The following DCAF17 variants were observed in gnomAD, a reference collection of about 807,000 sequenced individuals.
DCAF17 encodes the protein DDB1 and CUL4 associated factor 17.
Under a neutral mutation model 66.0 loss-of-function variants are expected in DCAF17, and 48 were observed. The observed-to-expected ratio is 0.73, with a 90% CI of 0.58 to 0.92. The LOEUF is 0.92. Ranked by LOEUF, DCAF17 falls within the 40% of genes least tolerant of loss-of-function variation. The pLI is 0.00. For missense variants in DCAF17, 562 were observed against 622.8 expected (o/e 0.90, Z 1.04); for synonymous variants, 206 against 214.6 (o/e 0.96, Z 0.35).
intron 5 of DCAF17, chr2:171,450,192 A>G (rs895940522): frequency 3.4e-5 from 15 of 438,392 alleles, no homozygotes; most frequent in African/African-American, 2.8e-4. Flanking sequence ...TGAGGATGCA[A>G]AGGCATAAGA....
chr2:171,474,453 TC>T (rs1198299091), intron 10 of DCAF17: 2 of 165,162 alleles, frequency 1.2e-5, no homozygotes, highest in East Asian at 3.4e-4. Flanking sequence ...CTGAATATTT[TC>T]CTATTTCATC....
intron 8 of DCAF17, among the ~76,000 whole-genome samples, chr2:171,460,800 T>C (rs1695543574): frequency 6.6e-6 from 1 of 152,124 alleles, no homozygotes; most frequent in South Asian, 2.1e-4. Context: ...CCGCCCAAAG[T>C]GCTGGGATTA....
At position 171,482,266 on chromosome 2, in the gene DCAF17, T is replaced by C. The variant is rs1471200489; in HGVS notation, c.*1152T>C. ...GTAACCTCAAAAGAATAACTGGTAA[T>C]AAGGGAAGGAAACAGCAGCAACAAT... On this transcript the variant is annotated 3_prime_UTR_variant, in exon 14 of 14. Coordinates refer to ENST00000375255, the MANE Select transcript of DCAF17 (RefSeq NM_025000.4). The C allele has an allele frequency of 2.2e-6, 1 of 453,962 alleles. No individual in the cohort carries two copies. Among genetic ancestry groups the C allele is most frequent in the Admixed American group, 2.3e-5 (1 of 42,556 alleles). The allele number at this position is 453,962 out of a possible 1,614,324, so 28.1% of individuals were successfully genotyped here. A position where few individuals can be genotyped will look rare whatever the true frequency, so the allele number is the denominator to read the frequency against.
At chr2:171,466,024 A>T (rs1048544706) in intron 8 of DCAF17, among the ~76,000 whole-genome samples, 1 of 152,024 alleles carries the variant, frequency 6.6e-6, no homozygotes, top group Admixed American at 6.6e-5. Context: ...ATCTAAATTA[A>T]AAAAAATTTT....
Position 171,448,689 on chromosome 2 carries a change from A to G in DCAF17, c.330A>G (p.Ile110Met). The G allele has an allele frequency of 1.9e-6, 3 of 1,583,374 alleles. No homozygotes were observed. The highest frequency in any genetic ancestry group is 1.2e-5 in the South Asian group (1 of 83,814). The part of the protein sequence containing the change: ...ALLWECPVGD[I>M]LPNSSDYKSS... ...TCTCTTTTTTTTTTTAGGGAGATAT[A>G]CTTCCCAATTCATCAGATTATAAGT... The change falls in exon 4 of 14, where the codon ATA becomes ATG. Residue 110 changes from isoleucine to methionine, a missense_variant. Physicochemically the swap from Ile to Met is conservative, Grantham distance 10 (BLOSUM62 1). Around this residue, in one of 3 missense-constraint regions of DCAF17, gnomAD observed 348 missense variants for 355.9 expected, o/e 0.98. Transcript: ENST00000375255.
chr2:171,442,781 G>A (rs559529466), intron 2 of DCAF17, among the ~76,000 whole-genome samples: 2 of 152,058 alleles, frequency 1.3e-5, no homozygotes, highest in East Asian at 1.9e-4. Context: ...TTGGGAGGCT[G>A]AGGCAGGACA....
intron 8 of DCAF17, among the ~76,000 whole-genome samples, chr2:171,458,772 A>G (rs183312348): frequency 3.0e-4 from 46 of 152,264 alleles, no homozygotes; most frequent in Admixed American, 2.7e-3. Context: ...AGTTGCAGCA[A>G]ATGATACCAT....
chr2:171,480,319 T>C (rs1171802844), intron 13 of DCAF17, 126 bp downstream of exon 13: 9 of 1,229,278 alleles, frequency 7.3e-6, no homozygotes, highest in Non-Finnish European at 9.2e-6. Flanking sequence ...TGAAAGAGGT[T>C]TTGTCCTATA....
intron 5 of DCAF17, chr2:171,450,162 C>G (rs1694865785): frequency 2.0e-6 from 1 of 504,854 alleles, no homozygotes; most frequent in South Asian, 2.0e-5. Context: ...TTTTCTCACT[C>G]ATAAGTGAGA....
rs3731984 is a variant in DCAF17, at chr2:171,453,141, T to A, written c.555T>A (p.His185Gln). ...CCTTCTAGGCAGGCATTCAACAACA[T>A]GTTTTGCTGTACCTTGCAGTGTTCC... ...AVARQAGIQQ[H>Q]VLLYLAVFRV... The change falls in exon 6 of 14, where the codon CAT becomes CAA. Residue 185 changes from histidine to glutamine, a missense_variant. Around this residue, in one of 3 missense-constraint regions of DCAF17, gnomAD observed 348 missense variants for 355.9 expected, o/e 0.98. Coordinates refer to ENST00000375255, the MANE Select transcript of DCAF17 (RefSeq NM_025000.4). 0.027 allele frequency: 43,333 copies of A among 1,608,876 alleles called. 673 individuals carry two copies. Among genetic ancestry groups the A allele is most frequent in the East Asian group, 0.04 (1,771 of 44,750 alleles).
intron 8 of DCAF17, among the ~76,000 whole-genome samples, chr2:171,466,439 G>T (rs1172374236): frequency 1.2e-4 from 18 of 151,760 alleles, no homozygotes; most frequent in Non-Finnish European, 1.2e-4. Context: ...CCTTTTGCTG[G>T]CTCTCCTACT....
intron 8 of DCAF17, among the ~76,000 whole-genome samples, chr2:171,460,274 G>A (rs1396516645): frequency 6.9e-6 from 1 of 145,524 alleles, no homozygotes; most frequent in Non-Finnish European, 1.5e-5. Flanking sequence ...AGTGAGCCGA[G>A]ATCGTGCCAC....
chr2:171,435,043 A>C (rs370737715), intron 1 of DCAF17, 40 bp from the exon 2 acceptor site: 2 of 1,446,170 alleles, frequency 1.4e-6, no homozygotes, highest in Non-Finnish European at 9.7e-7. Context: ...CTTAAAGCCT[A>C]AGAGTTCTTT....
At chr2:171,480,409 T>C (rs933417665) in intron 13 of DCAF17, among the ~76,000 whole-genome samples, 1 of 150,642 alleles carries the variant, frequency 6.6e-6, no homozygotes, top group Admixed American at 6.6e-5. Flanking sequence ...AAGATAAAAC[T>C]TCATGTGTTT....
intron 6 of DCAF17, among the ~76,000 whole-genome samples, chr2:171,453,652 A>C (rs1269004562): frequency 3.3e-5 from 5 of 152,144 alleles, no homozygotes; most frequent in Non-Finnish European, 7.4e-5. Flanking sequence ...CAATTCATTC[A>C]GTTTTGGGTT....
chr2:171,473,743 T>C (rs928030632), intron 9 of DCAF17, 123 bp from the exon 10 acceptor site: 20 of 769,510 alleles, frequency 2.6e-5, no homozygotes, highest in Non-Finnish European at 4.3e-5. Context: ...ATATTCCACT[T>C]TAACTGGTTA....
intron 8 of DCAF17, among the ~76,000 whole-genome samples, chr2:171,460,322 CAAAAA>C (rs770720263): frequency 1.3e-5 from 1 of 76,976 alleles, no homozygotes; most frequent in African/African-American, 5.1e-5. Flanking sequence ...GATTCCATCT[CAAAAA>C]AAAAAAAAAA....
chr2:171,436,397 G>A (rs1693953929), intron 2 of DCAF17, among the ~76,000 whole-genome samples: 2 of 152,174 alleles, frequency 1.3e-5, no homozygotes, highest in Admixed American at 6.5e-5. Context: ...TAGAAGAACT[G>A]CCATACACTT....
chr2:171,443,373 CA>C (rs1694427055), intron 2 of DCAF17, 149 bp from the exon 3 acceptor site: 2 of 593,414 alleles, frequency 3.4e-6, no homozygotes, highest in Non-Finnish European at 5.8e-6. Context: ...ATTATGTGAT[CA>C]GAAAAAAATA....
Sources: allele counts gnomAD v4.1 joint callset (sites outside exome capture counted in the v4.1 genomes callset), GRCh38; gene constraint gnomAD v4.1.1; regional missense constraint gnomAD v4.1.1; transcripts MANE v1.5; gene names NCBI Gene and HGNC (gene_info 2026-07-23, HGNC 2026-07-21).